NPLOC4: variants seen among roughly 807,000 people sequenced by gnomAD.
The protein encoded by NPLOC4 is nuclear protein localization protein 4 homolog.
Under a neutral mutation model 80.6 loss-of-function variants are expected in NPLOC4, and 18 were observed. The observed-to-expected ratio is 0.22, with a 90% CI of 0.15 to 0.33. The LOEUF (loss-of-function observed/expected upper bound fraction) is 0.33, where lower values mean the gene tolerates loss of function less well. Ranked by LOEUF, NPLOC4 falls within the 10% of genes least tolerant of loss-of-function variation. NPLOC4 has a pLI of 1.00. For synonymous variants in NPLOC4, 313 were observed against 301.5 expected (o/e 1.04, Z -0.39); for missense variants, 540 against 786.1 (o/e 0.69, Z 3.74).
At position 81,558,378 on chromosome 17, in the gene NPLOC4, C is replaced by T. The variant is rs1223290267; in HGVS notation, c.*881G>A. On this transcript the variant is annotated 3_prime_UTR_variant, in exon 17 of 17. Coordinates refer to ENST00000331134, the MANE Select transcript of NPLOC4 (RefSeq NM_017921.4). ...AGCCTCAGGGCAGGCGCCACCACTG[C>T]TCCTGCTCAGCCCGCAGTATCTGCA... 3 of 152,260 alleles carry T rather than the reference C, an allele frequency of 2.0e-5. No homozygotes were observed. The highest frequency in any genetic ancestry group is 1.9e-4 in the East Asian group (1 of 5,184). 9.4% of individuals were successfully genotyped at this position (152,260 alleles called of 1,614,324 possible).
At chr17:81,611,844 C>T (rs2035348174) in intron 4 of NPLOC4, among the ~76,000 whole-genome samples, 1 of 151,280 alleles carries the variant, frequency 6.6e-6, no homozygotes, top group Non-Finnish European at 1.5e-5. Flanking sequence ...CCTGTAGTCC[C>T]AGCTACTTGG....
chr17:81,573,834 A>C (rs528768815), intron 12 of NPLOC4, among the ~76,000 whole-genome samples: 43 of 152,338 alleles, frequency 2.8e-4, no homozygotes, highest in African/African-American at 1.0e-3. Context: ...ATCAAAGGCT[A>C]CATTCCTGCA....
At position 81,624,278 on chromosome 17, in the gene NPLOC4, C is replaced by T. The variant is rs546440567; in HGVS notation, c.97-2000G>A. Among the ~76,000 whole-genome samples the T allele has an allele frequency of 5.3e-5, 8 of 152,202 alleles. No individual in the cohort carries two copies. The South Asian group carries it at 6.2e-4, about 12-fold the overall frequency. ...TACTAAAATACAAAAATTAGCTAGG[C>T]GTGGTGGCGGACACTTGTTATCCCA... On this transcript the variant is annotated intron_variant, in intron 2 of 16. Transcript: ENST00000331134.
intron 11 of NPLOC4, among the ~76,000 whole-genome samples, chr17:81,595,168 T>A (rs1759991790): frequency 6.6e-6 from 1 of 152,004 alleles, no homozygotes; most frequent in South Asian, 2.1e-4. Context: ...AATGCTATGA[T>A]TACAGATGTT....
chr17:81,592,883 C>T (rs998146169), intron 11 of NPLOC4, among the ~76,000 whole-genome samples: 1 of 152,180 alleles, frequency 6.6e-6, no homozygotes, highest in East Asian at 1.9e-4. Flanking sequence ...ACTTGGGAGA[C>T]TGAGGCACAA....
At chr17:81,631,626 C>T (rs2035933499) in intron 1 of NPLOC4, among the ~76,000 whole-genome samples, 2 of 151,860 alleles carry the variant, frequency 1.3e-5, no homozygotes, top group Admixed American at 6.6e-5. Flanking sequence ...AGGAGGATGA[C>T]ATGGCATGCT....
At chr17:81,620,833 T>G (rs896420803) in intron 3 of NPLOC4, among the ~76,000 whole-genome samples, 2 of 152,072 alleles carry the variant, frequency 1.3e-5, no homozygotes, top group African/African-American at 2.4e-5. Context: ...TGGTTACGTG[T>G]TCCAGATTTA....
chr17:81,572,159 G>T lies in NPLOC4; in HGVS notation c.1282-71C>A. The T allele has an allele frequency of 1.3e-6, 1 of 772,700 alleles. No homozygotes were observed. The highest frequency in any genetic ancestry group is 2.0e-6 in the Non-Finnish European group (1 of 511,164). 47.9% of individuals were successfully genotyped at this position (772,700 alleles called of 1,614,324 possible). The stretch of plus-strand genomic sequence containing the variant: ...GTAATGATTTTCCTTTCACATGCTT[G>T]TCTCACCTTTTATTTAATTAATTAA... On this transcript the variant is annotated intron_variant, in intron 12 of 16. Coordinates refer to ENST00000331134, the MANE Select transcript of NPLOC4 (RefSeq NM_017921.4). The surrounding 1 kb of genome is among the most constrained non-coding windows in gnomAD (Gnocchi z 4.5).
chr17:81,563,005 T>C (rs9916546), intron 16 of NPLOC4: 35,002 of 149,730 alleles, frequency 0.23, 4,370 homozygotes, highest in Middle Eastern at 0.31. Context: ...TCTCAGCACT[T>C]TGGGAACCAA....
At chr17:81,579,761 A>G (rs2034389933) in intron 12 of NPLOC4, among the ~76,000 whole-genome samples, 1 of 152,130 alleles carries the variant, frequency 6.6e-6, no homozygotes, top group Non-Finnish European at 1.5e-5. Context: ...CGTTAATAAA[A>G]ACCCAAACAA....
rs1001061911 is a variant in NPLOC4 at position 81,580,682 on chromosome 17, C to A, written c.1281+8262G>T. Among the ~76,000 whole-genome samples the A allele has an allele frequency of 6.6e-6, 1 of 152,226 alleles. No individual in the cohort carries two copies. Among genetic ancestry groups the A allele is most frequent in the Non-Finnish European group, 1.5e-5 (1 of 68,030 alleles). On this transcript the variant is annotated intron_variant, in intron 12 of 16. Transcript: ENST00000331134. The surrounding 1 kb of genome is among the most constrained non-coding windows in gnomAD (Gnocchi z 4.4). ...CCAGGGCACTCCAAGCTTCTCTACC[C>A]GTTCCGCTGGGGTGGCCCACCTCCC...
intron 12 of NPLOC4, among the ~76,000 whole-genome samples, chr17:81,574,559 A>G (rs954681130): frequency 2.0e-5 from 3 of 152,194 alleles, no homozygotes; most frequent in African/African-American, 7.2e-5. Flanking sequence ...GCAGCCGTCA[A>G]AGTGTCAGCA....
chr17:81,618,035 G>A (rs1157476505), intron 3 of NPLOC4, among the ~76,000 whole-genome samples: 1 of 152,164 alleles, frequency 6.6e-6, no homozygotes, highest in East Asian at 1.9e-4. Context: ...CGCCTGCCTT[G>A]GCCTCCCAAA....
At chr17:81,588,488 A>T (rs2034649001) in intron 12 of NPLOC4, among the ~76,000 whole-genome samples, 1 of 152,176 alleles carries the variant, frequency 6.6e-6, no homozygotes, top group African/African-American at 2.4e-5. Flanking sequence ...CAGCCTCCTG[A>T]GTAGCTGGGA....
chr17:81,617,810 C>T (rs528707164), intron 3 of NPLOC4, among the ~76,000 whole-genome samples: 15 of 152,276 alleles, frequency 9.9e-5, no homozygotes, highest in East Asian at 1.9e-4. Flanking sequence ...AGGCGCGCGC[C>T]GCCACGCCTG....
At chr17:81,584,739 T>TA (rs1363139670) in intron 12 of NPLOC4, among the ~76,000 whole-genome samples, 1 of 152,218 alleles carries the variant, frequency 6.6e-6, no homozygotes, top group Non-Finnish European at 1.5e-5. Context: ...ACCAACAGTT[T>TA]AAAAATGTAA....
At chr17:81,581,514 C>T (rs906910464) in intron 12 of NPLOC4, among the ~76,000 whole-genome samples, 1 of 152,158 alleles carries the variant, frequency 6.6e-6, no homozygotes, top group Non-Finnish European at 1.5e-5. Context: ...GCCCTGTGGA[C>T]GCCCAGACCC....
At chr17:81,579,876 C>T (rs1008794617) in intron 12 of NPLOC4, among the ~76,000 whole-genome samples, 5 of 128,208 alleles carry the variant, frequency 3.9e-5, no homozygotes, top group Admixed American at 7.5e-5. Context: ...GAGCTCACCC[C>T]CCATTCTCCT....
In NPLOC4 at chr17:81,572,334, G is replaced by A. The variant is rs889932115; in HGVS notation, c.1282-246C>T. Reference sequence around the variant, plus strand: ...CTCCCAAGTAGCTGGGACTACAGGCGCCCGCCACCACGCCCGGCTAATTTT... The same window carrying A: ...CTCCCAAGTAGCTGGGACTACAGGCACCCGCCACCACGCCCGGCTAATTTT... On this transcript the variant is annotated intron_variant, in intron 12 of 16. Transcript: ENST00000331134. This position sits in a 1 kb window ranked among gnomAD's most constrained non-coding sequence, Gnocchi z 4.5. Among the ~76,000 whole-genome samples, 13 of 151,628 alleles carry A rather than the reference G, an allele frequency of 8.6e-5. No homozygotes were observed. Among genetic ancestry groups the A allele is most frequent in the Non-Finnish European group, 5.9e-5 (4 of 67,922 alleles).
Sources: allele counts gnomAD v4.1 joint callset (sites outside exome capture counted in the v4.1 genomes callset), GRCh38; gene constraint gnomAD v4.1.1; non-coding constraint Gnocchi (gnomAD v3.1); transcripts MANE v1.5; gene names NCBI Gene and HGNC (gene_info 2026-07-23, HGNC 2026-07-21).